The following FGF14 variants were observed in gnomAD, a reference collection of about 807,000 sequenced individuals.
FGF14 encodes the protein fibroblast growth factor homologous factor 4.
FGF14 carries 5 observed loss-of-function variants against 25.5 expected under a neutral mutation model. The observed-to-expected ratio is 0.20, with a 90% CI of 0.10 to 0.41. The LOEUF (loss-of-function observed/expected upper bound fraction) is 0.41. Ranked by LOEUF, FGF14 falls within the 10% of genes least tolerant of loss-of-function variation. FGF14 has a pLI of 1.00. For synonymous variants in FGF14, 138 were observed against 118.3 expected, an observed-to-expected ratio of 1.17 and a Z score of -1.08; for missense variants, 222 against 320.1, an observed-to-expected ratio of 0.69 and a Z score of 2.34.
chr13:101,738,498 C>T (rs2036325328), intron 3 of FGF14, among the ~76,000 whole-genome samples: 1 of 152,166 alleles, frequency 6.6e-6, no homozygotes, highest in African/African-American at 2.4e-5. Flanking sequence ...TCCCCAGATT[C>T]TGGCAACAAC....
chr13:101,973,339 T>G (rs535600481), intron 1 of FGF14, among the ~76,000 whole-genome samples: 10 of 152,166 alleles, frequency 6.6e-5, no homozygotes, highest in Non-Finnish European at 1.5e-4. Flanking sequence ...TGTATAAAGA[T>G]AAATATTTTA....
At chr13:102,191,632 C>T (rs528642467) in intron 1 of FGF14, among the ~76,000 whole-genome samples, 1 of 152,270 alleles carries the variant, frequency 6.6e-6, no homozygotes, top group Admixed American at 6.5e-5. Flanking sequence ...TTCATACATT[C>T]TGCCCTAGAC....
upstream of FGF14, among the ~76,000 whole-genome samples, chr13:101,919,092 A>G (rs907050020): frequency 1.3e-5 from 2 of 152,148 alleles, no homozygotes. Context: ...AGTCCTGCTT[A>G]AAAAGGGAAA....
chr13:102,098,024 G>A (rs2044485078), intron 1 of FGF14, among the ~76,000 whole-genome samples: 1 of 152,160 alleles, frequency 6.6e-6, no homozygotes, highest in South Asian at 2.1e-4. Flanking sequence ...AGCCCAAATG[G>A]CCTCATCACA....
Position 102,105,984 on chromosome 13 carries a change from C to T in FGF14, c.209-230688G>A, listed in dbSNP as rs2044889195. Among the ~76,000 whole-genome samples, 4 of 152,088 alleles carry T rather than the reference C, an allele frequency of 2.6e-5. No individual in the cohort carries two copies. The South Asian group carries it at 8.3e-4, about 32-fold the overall frequency. The stretch of plus-strand genomic sequence containing the variant: ...ATTTATGAAAGATGGTGGTGGATTA[C>T]AGACTGTAATAAATATATCATTGAT... On this transcript the variant is annotated intron_variant, in intron 1 of 4. Coordinates refer to the FGF14 transcript ENST00000376131.
intron 1 of FGF14, among the ~76,000 whole-genome samples, chr13:102,162,159 G>A (rs2047806772): frequency 6.6e-6 from 1 of 152,088 alleles, no homozygotes; most frequent in African/African-American, 2.4e-5. Flanking sequence ...CTGGGAGGCG[G>A]TTGGCACTAT....
intron 3 of FGF14, among the ~76,000 whole-genome samples, chr13:101,764,209 G>A (rs2038235337): frequency 6.6e-6 from 1 of 152,126 alleles, no homozygotes; most frequent in African/African-American, 2.4e-5. Context: ...ATACTTTCTT[G>A]TTGGCTGAAC....
intron 1 of FGF14, among the ~76,000 whole-genome samples, chr13:102,398,867 ATATATATAT>A (rs1257282506): frequency 6.8e-6 from 1 of 147,146 alleles, no homozygotes; most frequent in Non-Finnish European, 1.5e-5. Context: ...TCCCATTTAA[ATATATATAT>A]TATATATATG....
chr13:101,789,798 T>C (rs1812496779), intron 3 of FGF14, among the ~76,000 whole-genome samples: 1 of 149,926 alleles, frequency 6.7e-6, no homozygotes, highest in African/African-American at 2.4e-5. Flanking sequence ...TCCAATAACA[T>C]TTATATATAT....
rs571718056 is a variant in FGF14, at chr13:101,732,285, C to T, written c.409-5475G>A. 3.3e-5 allele frequency among the ~76,000 whole-genome samples: 5 copies of T among 152,190 alleles called. No individual in the cohort carries two copies. The South Asian group carries it at 1.0e-3, about 32-fold the overall frequency. The stretch of plus-strand genomic sequence containing the variant: ...GTTTTTGTTAATGTCTTCAAGTTTG[C>T]CCACCATCACCATTTAAGGGAAAAC... On this transcript the variant is annotated intron_variant, in intron 3 of 4. Coordinates refer to ENST00000376143, the MANE Select transcript of FGF14 (RefSeq NM_004115.4).
At chr13:101,823,325 C>T (rs1336151875) in intron 3 of FGF14, among the ~76,000 whole-genome samples, 1 of 150,452 alleles carries the variant, frequency 6.6e-6, no homozygotes, top group Non-Finnish European at 1.5e-5. Flanking sequence ...CTCTCTCTCT[C>T]TCTGTATATG....
chr13:102,077,035 C>T lies in FGF14; in HGVS notation c.209-201739G>A, dbSNP rs534126415. ...TCAATAACACACAATGGGGAATGAA[C>T]AGTATTTTCATACATAGTGTTGGAA... is the stretch of plus-strand genomic sequence containing the variant. On this transcript the variant is annotated intron_variant, in intron 1 of 4. Coordinates refer to the FGF14 transcript ENST00000376131. 3.9e-5 allele frequency among the ~76,000 whole-genome samples: 6 copies of T among 152,192 alleles called. No homozygotes were observed. In the East Asian group the frequency reaches 9.7e-4, roughly 25 times the overall value.
intron 1 of FGF14, among the ~76,000 whole-genome samples, chr13:102,038,260 G>C (rs1803006910): frequency 6.6e-6 from 1 of 152,100 alleles, no homozygotes; most frequent in Non-Finnish European, 1.5e-5. Flanking sequence ...AATGGAAAGG[G>C]AATAATATCA....
At chr13:101,821,698 A>G (rs1285463029) in intron 3 of FGF14, among the ~76,000 whole-genome samples, 1 of 152,206 alleles carries the variant, frequency 6.6e-6, no homozygotes, top group Non-Finnish European at 1.5e-5. Flanking sequence ...CACTACCAGC[A>G]TTCAGTATTC....
intron 1 of FGF14, among the ~76,000 whole-genome samples, chr13:102,008,408 C>G (rs532393134): frequency 6.6e-6 from 1 of 152,324 alleles, no homozygotes; most frequent in East Asian, 1.9e-4. Context: ...CAGTACTCAA[C>G]AGTGCTATTC....
chr13:102,134,733 CA>C (rs1439154985), intron 1 of FGF14, among the ~76,000 whole-genome samples: 1 of 152,112 alleles, frequency 6.6e-6, no homozygotes, highest in Non-Finnish European at 1.5e-5. Flanking sequence ...TGGAGGAATT[CA>C]AAATTGAGTA....
intron 1 of FGF14, among the ~76,000 whole-genome samples, chr13:101,995,900 T>G (rs1252412280): frequency 6.6e-6 from 1 of 151,986 alleles, no homozygotes; most frequent in Non-Finnish European, 1.5e-5. Context: ...AGTTAAAGCA[T>G]ACAAAAAATA....
chr13:101,769,921 T>C (rs2038651765), intron 3 of FGF14, among the ~76,000 whole-genome samples: 1 of 152,124 alleles, frequency 6.6e-6, no homozygotes, highest in African/African-American at 2.4e-5. Flanking sequence ...ACAGAATGTA[T>C]AACACCAAGG....
intron 1 of FGF14, among the ~76,000 whole-genome samples, chr13:102,034,528 T>C (rs1236270776): frequency 1.3e-5 from 2 of 152,140 alleles, no homozygotes; most frequent in Non-Finnish European, 2.9e-5. Context: ...GCAATGAAGT[T>C]GAGTCAAGTG....
Sources: gnomAD v4.1 joint callset for allele counts (sites outside exome capture counted in the v4.1 genomes callset) on GRCh38, gnomAD v4.1.1 for gene constraint, MANE v1.5 for transcripts, NCBI Gene and HGNC (gene_info 2026-07-23, HGNC 2026-07-21) for gene names.